The following GSK3B variants were observed in gnomAD, a reference collection of about 807,000 sequenced individuals.
GSK3B encodes glycogen synthase kinase 3 beta, also known as glycogen synthase kinase-3 beta.
Under a neutral mutation model 56.4 loss-of-function variants are expected in GSK3B, and 15 were observed. The ratio of observed to expected loss-of-function variants is 0.27; its 90% CI spans 0.18 to 0.41. The LOEUF is 0.41. Among genes scored for constraint, GSK3B ranks in the 10% least tolerant of loss-of-function variants. GSK3B has a pLI of 1.00. For missense variants in GSK3B, 300 were observed against 513.4 expected, an observed-to-expected ratio of 0.58 and a Z score of 4.02; for synonymous variants, 181 against 188.9, an observed-to-expected ratio of 0.96 and a Z score of 0.34.
At chr3:119,959,978 G>A (rs12634476) in intron 2 of GSK3B, among the ~76,000 whole-genome samples, 36,547 of 151,452 alleles carry the variant, frequency 0.24, 4,852 homozygotes, top group East Asian at 0.49. Flanking sequence ...CATTAAAACC[G>A]GCATATGAAT....
At chr3:119,860,545 T>A (rs1350378639) in intron 9 of GSK3B, among the ~76,000 whole-genome samples, 1 of 152,196 alleles carries the variant, frequency 6.6e-6, no homozygotes, top group Admixed American at 6.5e-5. Flanking sequence ...TGTGATTACA[T>A]GAAAGTAATA....
At chr3:119,835,829 T>C (rs1053248581) in intron 10 of GSK3B, among the ~76,000 whole-genome samples, 4 of 152,180 alleles carry the variant, frequency 2.6e-5, no homozygotes, top group Admixed American at 6.5e-5. Flanking sequence ...TTTCCCAATG[T>C]ACACTGTAAA....
At chr3:119,898,716 G>C (rs1260708557) in intron 7 of GSK3B, among the ~76,000 whole-genome samples, 1 of 152,012 alleles carries the variant, frequency 6.6e-6, no homozygotes, top group African/African-American at 2.4e-5. Context: ...AACTGTGGAG[G>C]ATATGTTCCA....
chr3:119,863,329 C>A, intron 9 of GSK3B, 90 bp downstream of exon 9: 1 of 1,042,004 alleles, frequency 9.6e-7, no homozygotes, highest in Non-Finnish European at 1.5e-6. Flanking sequence ...CCGTTTTTGT[C>A]CTCCACAGAT....
chr3:120,093,372 T>A lies in GSK3B; in HGVS notation c.63A>T (p.Ser21=), dbSNP rs760378387. 1 of 1,613,542 alleles carries A rather than the reference T, an allele frequency of 6.2e-7. No homozygotes were observed. The highest frequency in any genetic ancestry group is 1.1e-5 in the South Asian group (1 of 91,066). ...AESCKPVQQP[S]AFGSMKVSRD... is the part of the protein sequence containing the mutation. ...TGCTAACTTTCATGCTGCCAAAAGC[T>A]GAAGGCTGCTGCACCGGCTTGCAGC... is the stretch of plus-strand genomic sequence containing the variant. Residue 21 remains serine (S), a synonymous_variant, in exon 1 of 11, where the codon TCA becomes TCT. Transcript: ENST00000264235.
intron 1 of GSK3B, among the ~76,000 whole-genome samples, chr3:120,085,890 A>G (rs952584311): frequency 6.6e-6 from 1 of 152,204 alleles, no homozygotes; most frequent in Non-Finnish European, 1.5e-5. Context: ...CTTTCCTTGG[A>G]AAAAAACCTA....
chr3:119,994,774 G>A (rs2057598889), intron 2 of GSK3B, among the ~76,000 whole-genome samples: 1 of 152,030 alleles, frequency 6.6e-6, no homozygotes, highest in South Asian at 2.1e-4. Context: ...AACTCTTCCT[G>A]GTATAGAAGA....
chr3:119,980,803 T>C (rs1002236723), intron 2 of GSK3B, among the ~76,000 whole-genome samples: 5 of 152,206 alleles, frequency 3.3e-5, no homozygotes, highest in Non-Finnish European at 7.3e-5. Flanking sequence ...TGGGAAAGAA[T>C]GGTTATCATC....
At chr3:119,867,698 A>C (rs1332720696) in intron 8 of GSK3B, among the ~76,000 whole-genome samples, 4 of 152,194 alleles carry the variant, frequency 2.6e-5, no homozygotes, top group African/African-American at 9.7e-5. Flanking sequence ...TTGAGAACAA[A>C]AAATGGCAGA....
chr3:120,049,110 C>T (rs1338851614), intron 1 of GSK3B, among the ~76,000 whole-genome samples: 1 of 152,204 alleles, frequency 6.6e-6, no homozygotes, highest in African/African-American at 2.4e-5. Flanking sequence ...ACTTTATCTA[C>T]ATGACAATTC....
At chr3:120,080,848 A>G (rs1049628522) in intron 1 of GSK3B, among the ~76,000 whole-genome samples, 10 of 152,088 alleles carry the variant, frequency 6.6e-5, no homozygotes, top group Non-Finnish European at 1.3e-4. Context: ...AAAGAAAAAA[A>G]ATTACAGTTT....
At chr3:119,968,182 GAT>G (rs1457133686) in intron 2 of GSK3B, among the ~76,000 whole-genome samples, 1 of 151,888 alleles carries the variant, frequency 6.6e-6, no homozygotes, top group Non-Finnish European at 1.5e-5. Context: ...GTTTCATAAA[GAT>G]AGGGGCTCCC....
At chr3:119,929,913 A>C (rs1338763232) in intron 3 of GSK3B, among the ~76,000 whole-genome samples, 11 of 150,896 alleles carry the variant, frequency 7.3e-5, no homozygotes, top group South Asian at 6.3e-4. Flanking sequence ...AAAAAAAAAA[A>C]AAAAAATAAT....
At chr3:119,932,489 C>G (rs2056955932) in intron 3 of GSK3B, among the ~76,000 whole-genome samples, 2 of 148,804 alleles carry the variant, frequency 1.3e-5, no homozygotes, top group South Asian at 4.3e-4. Context: ...AAATAAACAC[C>G]AAAATTACCA....
chr3:120,027,658 G>A (rs1343201691), intron 1 of GSK3B, among the ~76,000 whole-genome samples: 1 of 152,052 alleles, frequency 6.6e-6, no homozygotes, highest in Non-Finnish European at 1.5e-5. Context: ...TAATGGTTTA[G>A]GAAAATATTC....
chr3:119,928,604 C>CAAAAAA (rs1430388699), intron 3 of GSK3B, among the ~76,000 whole-genome samples: 15 of 28,578 alleles, frequency 5.2e-4, no homozygotes, highest in East Asian at 2.3e-3. Flanking sequence ...GACTCCATAT[C>CAAAAAA]AAAAAAATAA....
intron 1 of GSK3B, among the ~76,000 whole-genome samples, chr3:120,090,349 A>G (rs2058500552): frequency 6.6e-6 from 1 of 152,186 alleles, no homozygotes. Flanking sequence ...TGTGCAATTA[A>G]TAGACTAGGA....
intron 2 of GSK3B, among the ~76,000 whole-genome samples, chr3:119,948,947 C>A (rs567717880): frequency 1.3e-5 from 2 of 152,214 alleles, no homozygotes; most frequent in Non-Finnish European, 2.9e-5. Context: ...GACAATCCAC[C>A]TGCCTCAGCC....
intron 1 of GSK3B, among the ~76,000 whole-genome samples, chr3:120,030,903 A>G (rs1484688907): frequency 1.3e-5 from 2 of 152,210 alleles, no homozygotes; most frequent in South Asian, 2.1e-4. Context: ...TTACAACCAC[A>G]TAGCTAACAA....
Sources: allele counts gnomAD v4.1 joint callset (sites outside exome capture counted in the v4.1 genomes callset), GRCh38; gene constraint gnomAD v4.1.1; transcripts MANE v1.5; gene names NCBI Gene and HGNC (gene_info 2026-07-23, HGNC 2026-07-21).